Variants in BTBD9 observed in about 807,000 individuals in gnomAD.
The protein encoded by BTBD9 is BTB domain containing 9.
In BTBD9, 49 loss-of-function variants were observed where a neutral mutation model predicts 64.3. The ratio of observed to expected loss-of-function variants is 0.76; its 90% CI spans 0.61 to 0.97. The LOEUF is 0.97. Among genes scored for constraint, BTBD9 ranks in the 50% least tolerant of loss-of-function variants. The probability of loss-of-function intolerance (pLI) is 0.00; values close to 1 mark genes in which losing one functional copy is unlikely to be tolerated. For missense variants in BTBD9, 598 were observed against 762.1 expected (o/e 0.78, Z 2.53); for synonymous variants, 260 against 274.7 (o/e 0.95, Z 0.53).
At chr6:38,303,874 T>TATATAC (rs368257334) in intron 7 of BTBD9, among the ~76,000 whole-genome samples, 2,423 of 82,170 alleles carry the variant, frequency 0.029, 67 homozygotes, top group Non-Finnish European at 0.039. Context: ...TATATATATA[T>TATATAC]ACACACACAC....
chr6:38,199,236 C>T (rs539848657), intron 9 of BTBD9, among the ~76,000 whole-genome samples: 38 of 152,202 alleles, frequency 2.5e-4, no homozygotes, highest in African/African-American at 8.9e-4. Context: ...AAGTCATATC[C>T]CGGATGGTGA....
chr6:38,288,483 T>A lies in BTBD9; in HGVS notation c.1265-22A>T, dbSNP rs185648366. On this transcript the variant is annotated intron_variant, in intron 7 of 10. Transcript: ENST00000481247. ...GGAACTGTGAATCCAAAAACAAGATTTGGCATCAGGATAAGAGAAGCCAAA... is the reference window on the plus strand; with the variant it reads ...GGAACTGTGAATCCAAAAACAAGATATGGCATCAGGATAAGAGAAGCCAAA... 600 of 1,611,936 alleles carry A rather than the reference T, an allele frequency of 3.7e-4. 1 individual carries two copies. The African/African-American group carries it at 7.3e-3, about 20-fold the overall frequency.
At chr6:38,334,016 A>AG (rs1292468539) in intron 7 of BTBD9, among the ~76,000 whole-genome samples, 1 of 152,198 alleles carries the variant, frequency 6.6e-6, no homozygotes, top group African/African-American at 2.4e-5. Context: ...GTCCAGGCTG[A>AG]GGGGGTCTCA....
chr6:38,301,489 C>T (rs1012944369), intron 7 of BTBD9, among the ~76,000 whole-genome samples: 21 of 152,114 alleles, frequency 1.4e-4, no homozygotes, highest in African/African-American at 5.1e-4. Context: ...CCATCTGGTC[C>T]TGGACTTTTT....
Position 38,292,255 on chromosome 6 carries a change from C to T in BTBD9, c.1265-3794G>A, listed in dbSNP as rs906433052. On this transcript the variant is annotated intron_variant, in intron 7 of 10. Coordinates refer to ENST00000481247, the MANE Select transcript of BTBD9 (RefSeq NM_001099272.2). ...CTGGGATTACAGGCATGAGCCACCA[C>T]GCCCGGCTGAAATTTTCTTTTTTGT... Among the ~76,000 whole-genome samples the T allele has an allele frequency of 2.2e-4, 34 of 152,290 alleles. No individual in the cohort carries two copies. In the East Asian group the frequency reaches 2.7e-3, roughly 12 times the overall value.
chr6:38,447,776 T>A (rs1207784682), intron 6 of BTBD9, among the ~76,000 whole-genome samples: 2 of 152,252 alleles, frequency 1.3e-5, no homozygotes, highest in Non-Finnish European at 2.9e-5. Flanking sequence ...GGAAGAAGGC[T>A]GTACAATGTA....
intron 10 of BTBD9, among the ~76,000 whole-genome samples, chr6:38,177,500 G>T (rs1345133633): frequency 6.6e-6 from 1 of 152,162 alleles, no homozygotes; most frequent in African/African-American, 2.4e-5. Flanking sequence ...TAAACAAATC[G>T]ATAAAAACCC....
rs919914512 is a variant in BTBD9, at chr6:38,394,329, A to T, written c.1155-49236T>A. ...GATAGGGTGGGGGCTGTCCTGGTAA[A>T]AAGAATGCTTCTCACAGAAAGACAT... On this transcript the variant is annotated intron_variant, in intron 6 of 10. Coordinates refer to ENST00000481247, the MANE Select transcript of BTBD9 (RefSeq NM_001099272.2). Among the ~76,000 whole-genome samples, 9 of 152,252 alleles carry T rather than the reference A, an allele frequency of 5.9e-5. No homozygotes were observed. In the East Asian group the frequency reaches 1.7e-3, roughly 29 times the overall value.
rs560227803 is a variant in BTBD9 at position 38,238,337 on chromosome 6, C to T, written c.1562+18072G>A. Reference sequence around the variant, plus strand: ...ATACATGTAAGATTTACATTGGTTCCACCTGGAAGGGTAGGGCAACTCAAG... The same window carrying T: ...ATACATGTAAGATTTACATTGGTTCTACCTGGAAGGGTAGGGCAACTCAAG... On this transcript the variant is annotated intron_variant, in intron 9 of 10. Transcript: ENST00000481247. 2.6e-5 allele frequency among the ~76,000 whole-genome samples: 4 copies of T among 152,270 alleles called. No homozygotes were observed. In the South Asian group the frequency reaches 6.2e-4, roughly 24 times the overall value.
intron 6 of BTBD9, among the ~76,000 whole-genome samples, chr6:38,550,218 C>T (rs1774734463): frequency 6.6e-6 from 1 of 152,196 alleles, no homozygotes; most frequent in African/African-American, 2.4e-5. Flanking sequence ...CTATTCTTCA[C>T]ATTCTTCACT....
intron 2 of BTBD9, among the ~76,000 whole-genome samples, chr6:38,595,328 T>A (rs1430989216): frequency 4.6e-5 from 7 of 152,206 alleles, no homozygotes; most frequent in African/African-American, 1.7e-4. Context: ...ATGAAATTAC[T>A]GATAGGATTA....
intron 10 of BTBD9, among the ~76,000 whole-genome samples, chr6:38,189,242 C>T (rs777142961): frequency 2.6e-5 from 4 of 152,174 alleles, no homozygotes; most frequent in Admixed American, 1.3e-4. Flanking sequence ...CTTGTCCATG[C>T]GGTCATATCC....
At chr6:38,210,537 TG>T (rs1421933615) in intron 9 of BTBD9, among the ~76,000 whole-genome samples, 4 of 3,662 alleles carry the variant, frequency 1.1e-3, no homozygotes, top group Admixed American at 2.7e-3. Context: ...TGCGTGTGTT[TG>T]TGTGTGTGTG....
At position 38,419,557 on chromosome 6, in the gene BTBD9, ACT is replaced by A. The variant is rs367722219; in HGVS notation, c.1155-74466_1155-74465del. Among the ~76,000 whole-genome samples, 7 of 152,204 alleles carry A rather than the reference ACT, an allele frequency of 4.6e-5. No homozygotes were observed. In the East Asian group the frequency reaches 5.8e-4, roughly 13 times the overall value. On this transcript the variant is annotated intron_variant, in intron 6 of 10. Transcript: ENST00000481247. Reference sequence around the variant, plus strand: ...GAAGGGAAAATGCTAATTTAGGAAGACTCTAAAATACTCGCTTAAAAATACTA... The same window carrying A: ...GAAGGGAAAATGCTAATTTAGGAAGACTAAAATACTCGCTTAAAAATACTA...
At chr6:38,352,389 GAA>G (rs920718951) in intron 6 of BTBD9, among the ~76,000 whole-genome samples, 15 of 150,420 alleles carry the variant, frequency 1.0e-4, no homozygotes, top group Admixed American at 7.9e-4. Context: ...AAAAAAAAAA[GAA>G]AAAAGTCTAC....
chr6:38,576,813 A>C, intron 6 of BTBD9, among the ~76,000 whole-genome samples: 1 of 152,226 alleles, frequency 6.6e-6, no homozygotes, highest in South Asian at 2.1e-4. Context: ...AGCAGAAAAA[A>C]GCAACAAAAT....
intron 6 of BTBD9, among the ~76,000 whole-genome samples, chr6:38,451,374 G>C (rs1229725268): frequency 6.6e-6 from 1 of 152,270 alleles, no homozygotes; most frequent in Admixed American, 6.5e-5. Flanking sequence ...TGTAGTCCTA[G>C]CACAGTGCTT....
intron 6 of BTBD9, among the ~76,000 whole-genome samples, chr6:38,530,595 T>C (rs1031006039): frequency 8.2e-5 from 8 of 97,430 alleles, no homozygotes; most frequent in African/African-American, 1.5e-4. Context: ...TACATTGAAA[T>C]ATTGGGGGTG....
rs140038890 is a variant in BTBD9, at chr6:38,507,964, G to A, written c.1154+69636C>T. On this transcript the variant is annotated intron_variant, in intron 6 of 10. Transcript: ENST00000481247. Reference sequence around the variant, plus strand: ...TTCTCCTACCTCAGCCTCCCGAGTAGCTGGGACTATAGGCACCCGCCACCA... The same window carrying A: ...TTCTCCTACCTCAGCCTCCCGAGTAACTGGGACTATAGGCACCCGCCACCA... 0.021 allele frequency among the ~76,000 whole-genome samples: 3,220 copies of A among 151,606 alleles called. 249 individuals are homozygous for A. In the East Asian group the frequency reaches 0.23, roughly 11 times the overall value.
Sources: gnomAD v4.1 joint callset for allele counts (sites outside exome capture counted in the v4.1 genomes callset) on GRCh38, gnomAD v4.1.1 for gene constraint, MANE v1.5 for transcripts, NCBI Gene and HGNC (gene_info 2026-07-23, HGNC 2026-07-21) for gene names.